Variants in PCDHGA2 observed in about 807,000 individuals in gnomAD.
PCDHGA2 encodes the protein protocadherin gamma subfamily A, 2.
Under a neutral mutation model 59.2 loss-of-function variants are expected in PCDHGA2, and 40 were observed. The ratio of observed to expected loss-of-function variants is 0.68; its 90% CI spans 0.52 to 0.88. The LOEUF is 0.88. Among genes scored for constraint, PCDHGA2 ranks in the 40% least tolerant of loss-of-function variants. PCDHGA2 has a pLI of 0.00. For missense variants in PCDHGA2, 1,226 were observed against 1,204.0 expected (o/e 1.02, Z -0.27); for synonymous variants, 560 against 526.0 (o/e 1.06, Z -0.89).
chr5:141,408,526 T>C, intron 1 of PCDHGA2: 3 of 1,614,028 alleles, frequency 1.9e-6, no homozygotes, highest in Non-Finnish European at 2.5e-6. Flanking sequence ...AATTGGAAGC[T>C]GTGGTGGAAA....
chr5:141,374,428 T>C, intron 1 of PCDHGA2: 1 of 1,613,952 alleles, frequency 6.2e-7, no homozygotes, highest in Admixed American at 1.7e-5. Flanking sequence ...ATAAACTGAA[T>C]CTTTATCCCG....
rs140756059 is a variant in PCDHGA2 at position 141,341,230 on chromosome 5, T to C, written c.2259T>C (p.Tyr753=). ...VDGVRAFLQT[Y]SHEVSLTADS... Reference sequence around the variant, plus strand: ...GGGTTCGGGCTTTCCTGCAGACCTATTCCCACGAGGTCTCCCTCACTGCGG... The same window carrying C: ...GGGTTCGGGCTTTCCTGCAGACCTACTCCCACGAGGTCTCCCTCACTGCGG... Residue 753 remains tyrosine (Y), a synonymous_variant, in exon 1 of 4, where the codon TAT becomes TAC. Coordinates refer to ENST00000394576, the MANE Select transcript of PCDHGA2 (RefSeq NM_018915.4). 105 of 1,614,098 alleles carry C rather than the reference T, an allele frequency of 6.5e-5. No individual in the cohort carries two copies. Among genetic ancestry groups the C allele is most frequent in the Middle Eastern group, 3.3e-4 (2 of 6,082 alleles).
intron 1 of PCDHGA2, chr5:141,355,392 C>T (rs1039208942): frequency 1.9e-5 from 30 of 1,614,084 alleles, no homozygotes; most frequent in Non-Finnish European, 2.5e-5. Flanking sequence ...AGCGCGGAGT[C>T]CGCATCGTCT....
chr5:141,414,550 G>C, intron 1 of PCDHGA2: 1 of 1,613,948 alleles, frequency 6.2e-7, no homozygotes, highest in Non-Finnish European at 8.5e-7. Context: ...CTTCTCTCAA[G>C]TCTCCTACTT....
Position 141,490,778 on chromosome 5 carries a change from A to T in PCDHGA2, c.2425-4029A>T, listed in dbSNP as rs964301520. The T allele has an allele frequency of 5.6e-6, 9 of 1,614,098 alleles. No individual in the cohort carries two copies. The highest frequency in any genetic ancestry group is 7.6e-6 in the Non-Finnish European group (9 of 1,179,962). On this transcript the variant is annotated intron_variant, in intron 1 of 3. Transcript: ENST00000394576. This position sits in a 1 kb window ranked among gnomAD's most constrained non-coding sequence, Gnocchi z 5.4. ...TCCTTTGTGTATGTCAACCCAGAGG[A>T]TGGACGGATCTTTGCCCAGCGTACC... is the stretch of plus-strand genomic sequence containing the variant.
rs144789830 is a variant in PCDHGA2 at position 141,503,198 on chromosome 5, C to T, written c.2484-2195C>T. Among the ~76,000 whole-genome samples the T allele has an allele frequency of 3.7e-3, 561 of 152,172 alleles. 5 individuals carry two copies. Among genetic ancestry groups the T allele is most frequent in the Admixed American group, 0.011 (164 of 15,268 alleles). ...TATTGTGTAATTATTTAAAATCAGC[C>T]TCTCAGTGCCCACCATGAGCACCGT... On this transcript the variant is annotated intron_variant, in intron 2 of 3. Coordinates refer to ENST00000394576, the MANE Select transcript of PCDHGA2 (RefSeq NM_018915.4).
chr5:141,340,272 C>A lies in PCDHGA2; in HGVS notation c.1301C>A (p.Thr434Lys). ...GATGGAGGGAACCCCTCCCTGTCCA[C>A]GGATGCTCACATTTTGCTCCAGGTG... ...AKDGGNPSLSTDAHILLQVAD... is the reference protein window; with the variant it reads ...AKDGGNPSLSKDAHILLQVAD... The change falls in exon 1 of 4, where the codon ACG (threonine) becomes AAG (lysine). Residue 434 changes from threonine to lysine, a missense_variant. Coordinates refer to ENST00000394576, the MANE Select transcript of PCDHGA2 (RefSeq NM_018915.4). 2 of 1,614,166 alleles carry A rather than the reference C, an allele frequency of 1.2e-6. No homozygotes were observed. The highest frequency in any genetic ancestry group is 4.5e-5 in the East Asian group (2 of 44,870).
At position 141,399,158 on chromosome 5, in the gene PCDHGA2, C is replaced by T. The variant is rs575806440; in HGVS notation, c.2424+57763C>T. 17 of 1,613,790 alleles carry T rather than the reference C, an allele frequency of 1.1e-5. No homozygotes were observed. The East Asian group carries it at 2.9e-4, about 27-fold the overall frequency. On this transcript the variant is annotated intron_variant, in intron 1 of 3. Transcript: ENST00000394576. The stretch of plus-strand genomic sequence containing the variant: ...GAAAATGACAATAGCCCAGAAGTTA[C>T]ATTCCATTCTCTACTTGAAATGATT...
chr5:141,409,130 G>A, intron 1 of PCDHGA2: 1 of 1,613,994 alleles, frequency 6.2e-7, no homozygotes, highest in South Asian at 1.1e-5. Context: ...ATTTGATTTT[G>A]AAGATGTAGA....
At position 141,489,193 on chromosome 5, in the gene PCDHGA2, G is replaced by A; in HGVS notation, c.2425-5614G>A. The A allele has an allele frequency of 2.2e-6, 3 of 1,369,230 alleles. No individual in the cohort carries two copies. Among genetic ancestry groups the A allele is most frequent in the Non-Finnish European group, 3.0e-6 (3 of 1,000,290 alleles). 84.8% of individuals were successfully genotyped at this position (1,369,230 alleles called of 1,614,324 possible). On this transcript the variant is annotated intron_variant, in intron 1 of 3. Coordinates refer to ENST00000394576, the MANE Select transcript of PCDHGA2 (RefSeq NM_018915.4). The surrounding 1 kb of genome is among the most constrained non-coding windows in gnomAD (Gnocchi z 4.5). ...GCATTCCAAGCCCTGGGTCTACCTT[G>A]GAGACAGGACAGCACAGACTTACTC...
intron 1 of PCDHGA2, chr5:141,392,823 C>A: frequency 6.3e-7 from 1 of 1,599,890 alleles, no homozygotes; most frequent in Non-Finnish European, 8.5e-7. Flanking sequence ...AATGGCCGCT[C>A]CACAGAGTCG....
At chr5:141,484,801 A>G (rs1285617622) in intron 1 of PCDHGA2, among the ~76,000 whole-genome samples, 3 of 152,024 alleles carry the variant, frequency 2.0e-5, no homozygotes, top group African/African-American at 7.2e-5. Flanking sequence ...CAACCCGTGG[A>G]AAAACATGCC....
At chr5:141,380,772 CTT>C (rs1776732495) in intron 1 of PCDHGA2, among the ~76,000 whole-genome samples, 1 of 152,070 alleles carries the variant, frequency 6.6e-6, no homozygotes, top group Admixed American at 6.6e-5. Context: ...TTAATTGAGA[CTT>C]TTTTAAAACA....
chr5:141,500,498 C>T (rs1487770160), intron 2 of PCDHGA2, among the ~76,000 whole-genome samples: 5 of 152,120 alleles, frequency 3.3e-5, no homozygotes, highest in African/African-American at 7.2e-5. Context: ...CGTGAGCCAC[C>T]GCGCCTGGCC....
At chr5:141,384,969 G>A (rs996601457) in intron 1 of PCDHGA2, 5 of 1,614,014 alleles carry the variant, frequency 3.1e-6, no homozygotes, top group African/African-American at 2.7e-5. Context: ...ATGACCTCAC[G>A]TTGTACCTGG....
chr5:141,426,307 A>G (rs958090236), intron 1 of PCDHGA2: 2 of 172,782 alleles, frequency 1.2e-5, no homozygotes, highest in African/African-American at 4.7e-5. Context: ...GGTGAAGCAG[A>G]GAAGCAGGAC....
intron 1 of PCDHGA2, chr5:141,361,012 A>G: frequency 6.2e-7 from 1 of 1,613,186 alleles, no homozygotes; most frequent in South Asian, 1.1e-5. Flanking sequence ...ACACTTTTTC[A>G]ACTTAAATGA....
At chr5:141,352,770 A>C in intron 1 of PCDHGA2, 1 of 1,227,116 alleles carries the variant, frequency 8.1e-7, no homozygotes, top group Non-Finnish European at 1.1e-6. Flanking sequence ...CAGGTGGATC[A>C]CTTGAGGTCA....
intron 1 of PCDHGA2, chr5:141,422,231 T>A: frequency 3.2e-6 from 5 of 1,566,292 alleles, no homozygotes; most frequent in Non-Finnish European, 4.3e-6. Context: ...ACGACGATGT[T>A]GATCACTGTT....
Sources: allele counts gnomAD v4.1 joint callset (sites outside exome capture counted in the v4.1 genomes callset), GRCh38; gene constraint gnomAD v4.1.1; non-coding constraint Gnocchi (gnomAD v3.1); transcripts MANE v1.5; gene names NCBI Gene and HGNC (gene_info 2026-07-23, HGNC 2026-07-21).